Variants in ATP8B1 observed in about 807,000 individuals in gnomAD.
The protein encoded by ATP8B1 is ATPase phospholipid transporting 8B1.
ATP8B1 carries 80 observed loss-of-function variants against 149.9 expected under a neutral mutation model. The observed-to-expected ratio is 0.53, with a 90% confidence interval of 0.45 to 0.64. The LOEUF (loss-of-function observed/expected upper bound fraction) is 0.64. Among genes scored for constraint, ATP8B1 ranks in the 30% least tolerant of loss-of-function variants. The pLI is 0.00. For missense variants in ATP8B1, 1,247 were observed against 1,552.6 expected (o/e 0.80, Z 3.31); for synonymous variants, 536 against 562.8 (o/e 0.95, Z 0.67).
At chr18:57,682,951 C>T (rs1912056439) in intron 15 of ATP8B1, among the ~76,000 whole-genome samples, 3 of 152,042 alleles carry the variant, frequency 2.0e-5, no homozygotes, top group Admixed American at 2.0e-4. Context: ...CGATCCCCAC[C>T]TGAGTAGCTG....
chr18:57,682,847 GT>G (rs529618123), intron 15 of ATP8B1, among the ~76,000 whole-genome samples: 2 of 150,662 alleles, frequency 1.3e-5, no homozygotes, highest in African/African-American at 2.4e-5. Flanking sequence ...GGTGTTTTTT[GT>G]TTTTTTTTGA....
chr18:57,740,085 T>C (rs1599179054), intron 1 of ATP8B1, among the ~76,000 whole-genome samples: 2 of 152,240 alleles, frequency 1.3e-5, no homozygotes, highest in Non-Finnish European at 1.5e-5. Context: ...TTTTGTTTTT[T>C]GTTTTGTTTG....
intron 1 of ATP8B1, among the ~76,000 whole-genome samples, chr18:57,783,928 A>G (rs1355549739): frequency 3.9e-5 from 6 of 152,198 alleles, no homozygotes; most frequent in Non-Finnish European, 5.9e-5. Flanking sequence ...ATGGTGACAG[A>G]GCTGTTGTCA....
At chr18:57,785,005 A>G (rs1336769531) in intron 1 of ATP8B1, among the ~76,000 whole-genome samples, 1 of 152,230 alleles carries the variant, frequency 6.6e-6, no homozygotes, top group Non-Finnish European at 1.5e-5. Context: ...TGTCTCAAAA[A>G]GTTCACGGGC....
intron 17 of ATP8B1, 52 bp downstream of exon 17, chr18:57,671,416 A>G: frequency 7.1e-7 from 1 of 1,415,690 alleles, no homozygotes; most frequent in Non-Finnish European, 1.0e-6. Flanking sequence ...AACAGACAGC[A>G]TCAGAGAGTA....
In ATP8B1 at chr18:57,650,449, A is replaced by G. The variant is rs1212888083; in HGVS notation, c.3449T>C (p.Ile1150Thr). 9 of 1,613,856 alleles carry G rather than the reference A, an allele frequency of 5.6e-6. No homozygotes were observed. Among genetic ancestry groups the G allele is most frequent in the Middle Eastern group, 1.6e-4 (1 of 6,082 alleles). The change falls in exon 27 of 28, where the codon ATC becomes ACC. Residue 1150 changes from isoleucine (I) to threonine (T), a missense_variant. Physicochemically the swap from Ile to Thr is moderately conservative, Grantham distance 89. Coordinates refer to ENST00000648908, the MANE Select transcript of ATP8B1 (RefSeq NM_001374385.1). ...TAGTAAGCACACAGCAACAGCCAGG[A>G]TGATAGTTAACCAAATGTATGGCTG... The part of the protein sequence containing the change: ...LRQPYIWLTI[I>T]LAVAVCLLPV...
chr18:57,729,549 C>CTTT (rs71171074), intron 2 of ATP8B1, among the ~76,000 whole-genome samples: 6 of 120,736 alleles, frequency 5.0e-5, no homozygotes, highest in East Asian at 2.7e-4. Flanking sequence ...TTCTTTCTTT[C>CTTT]TTTTTTTTTT....
intron 15 of ATP8B1, among the ~76,000 whole-genome samples, chr18:57,679,485 C>CT (rs1246179191): frequency 6.6e-6 from 1 of 151,422 alleles, no homozygotes; most frequent in Non-Finnish European, 1.5e-5. Context: ...CCAGAAAGAC[C>CT]TTCTTTTTCT....
At chr18:57,673,002 TAA>T (rs1491360363) in intron 16 of ATP8B1, among the ~76,000 whole-genome samples, 1 of 140,950 alleles carries the variant, frequency 7.1e-6, no homozygotes, top group South Asian at 2.2e-4. Flanking sequence ...CATGTATATA[TAA>T]ATATACATAT....
In ATP8B1 at chr18:57,650,388, G is replaced by C; in HGVS notation, c.3510C>G (p.Ile1170Met). The C allele has an allele frequency of 1.9e-6, 3 of 1,613,798 alleles. No individual in the cohort carries two copies. The highest frequency in any genetic ancestry group is 2.5e-6 in the Non-Finnish European group (3 of 1,179,794). Residue 1170 changes from isoleucine to methionine, a missense_variant, in exon 27 of 28, where the codon ATC (isoleucine) becomes ATG (methionine). Ile to Met is a conservative substitution (Grantham distance 10). Transcript: ENST00000648908. Reference sequence around the variant, plus strand: ...ATACCTTATCACTTTCTGATGGCCAGATGGTCATTGACAGGAATCGAATGG... The same window carrying C: ...ATACCTTATCACTTTCTGATGGCCACATGGTCATTGACAGGAATCGAATGG... ...VVAIRFLSMT[I>M]WPSESDKIQK...
chr18:57,745,200 T>C (rs1242726853), intron 1 of ATP8B1, among the ~76,000 whole-genome samples: 2 of 152,202 alleles, frequency 1.3e-5, no homozygotes, highest in Non-Finnish European at 2.9e-5. Context: ...ACTAAAGATA[T>C]ATTTGAAGCA....
chr18:57,756,206 T>TACAC (rs558354138), intron 1 of ATP8B1, among the ~76,000 whole-genome samples: 4 of 79,444 alleles, frequency 5.0e-5, no homozygotes, highest in South Asian at 3.6e-4. Context: ...TATATATATA[T>TACAC]ATATACACAC....
chr18:57,752,919 C>A (rs1246369921), intron 1 of ATP8B1, among the ~76,000 whole-genome samples: 6 of 152,168 alleles, frequency 3.9e-5, no homozygotes, highest in Non-Finnish European at 5.9e-5. Flanking sequence ...TATCCAGGTT[C>A]TCAGAAATGA....
intron 1 of ATP8B1, among the ~76,000 whole-genome samples, chr18:57,768,386 C>CAAAAAAAAAAA (rs145660399): frequency 7.3e-5 from 5 of 68,160 alleles, no homozygotes; most frequent in East Asian, 4.9e-4. Context: ...GACCCTGTCT[C>CAAAAAAAAAAA]AAAAAAAAAA....
At chr18:57,706,767 C>T (rs1376625325) in intron 2 of ATP8B1, among the ~76,000 whole-genome samples, 180 bp from the exon 3 acceptor site, 1 of 152,106 alleles carries the variant, frequency 6.6e-6, no homozygotes, top group Non-Finnish European at 1.5e-5. Context: ...TTAGAGAGGA[C>T]CCTAATTCAA....
intron 1 of ATP8B1, among the ~76,000 whole-genome samples, chr18:57,732,842 C>CGCGAGCCA (rs11281348): frequency 8.5e-5 from 13 of 152,110 alleles, no homozygotes; most frequent in African/African-American, 3.1e-4. Flanking sequence ...GGATTACAGG[C>CGCGAGCCA]CCGCGCCCGG....
At position 57,684,128 on chromosome 18, in the gene ATP8B1, A is replaced by G. The variant is rs772028343; in HGVS notation, c.1538T>C (p.Ile513Thr). ...GKLAFYDHYL[I>T]EQIQSGKEPE... ...CTCTTTCCCTGACTGGATTTGCTCA[A>G]TAAGATAGTGGTCATAAAATGCAAG... Residue 513 changes from isoleucine to threonine, a missense_variant, in exon 15 of 28, where the codon ATT becomes ACT. Physicochemically the swap from Ile to Thr is moderately conservative, Grantham distance 89 (BLOSUM62 -1). Around this residue, in one of 3 missense-constraint regions of ATP8B1, gnomAD observed 853 missense variants for 1,035.7 expected, o/e 0.82. Coordinates refer to ENST00000648908, the MANE Select transcript of ATP8B1 (RefSeq NM_001374385.1). 71 of 1,614,180 alleles carry G rather than the reference A, an allele frequency of 4.4e-5. 3 individuals are homozygous for G. The South Asian group carries it at 6.3e-4, about 14-fold the overall frequency.
In ATP8B1 at chr18:57,668,389, T is replaced by C. The variant is rs761487940; in HGVS notation, c.2209+40A>G. 9 of 1,509,776 alleles carry C rather than the reference T, an allele frequency of 6.0e-6. No homozygotes were observed. The African/African-American group carries it at 9.6e-5, about 16-fold the overall frequency. 93.5% of individuals were successfully genotyped at this position (1,509,776 alleles called of 1,614,324 possible). On this transcript the variant is annotated intron_variant, in intron 19 of 27. Transcript: ENST00000648908. ...CAAAGGAAACGGCAGCTATAAATAT[T>C]TGTGAATTAACAGATATGCTTCCCT...
chr18:57,737,759 C>T (rs2079872883), intron 1 of ATP8B1: 1 of 152,158 alleles, frequency 6.6e-6, no homozygotes, highest in African/African-American at 2.4e-5. Flanking sequence ...TCCAAACTGC[C>T]AGGCATCTGG....
Sources: gnomAD v4.1 joint callset for allele counts (sites outside exome capture counted in the v4.1 genomes callset) on GRCh38, gnomAD v4.1.1 for gene constraint, gnomAD v4.1.1 regional missense constraint, MANE v1.5 for transcripts, NCBI Gene and HGNC (gene_info 2026-07-23, HGNC 2026-07-21) for gene names.